Variants in ZFHX3 observed in about 807,000 individuals in gnomAD.
ZFHX3 encodes the protein zinc finger homeobox protein 3.
Under a neutral mutation model 279.1 loss-of-function variants are expected in ZFHX3, and 42 were observed. That is an observed-to-expected ratio of 0.15 (90% CI 0.12 to 0.19). The LOEUF (loss-of-function observed/expected upper bound fraction) is 0.19, where lower values mean the gene tolerates loss of function less well. Among genes scored for constraint, ZFHX3 ranks in the 10% least tolerant of loss-of-function variants. The pLI is 1.00. For synonymous variants in ZFHX3, 2,293 were observed against 1,957.8 expected, an observed-to-expected ratio of 1.17 and a Z score of -4.52; for missense variants, 4,981 against 4,754.0, an observed-to-expected ratio of 1.05 and a Z score of -1.40.
At chr16:73,869,463 CTG>C (rs970999256) in intron 1 of ZFHX3, among the ~76,000 whole-genome samples, 1 of 152,236 alleles carries the variant, frequency 6.6e-6, no homozygotes, top group African/African-American at 2.4e-5. Context: ...AAAAGGCTAA[CTG>C]TTTATGCACC....
chr16:73,595,844 C>A (rs2052043504), intron 2 of ZFHX3, among the ~76,000 whole-genome samples: 1 of 152,114 alleles, frequency 6.6e-6, no homozygotes, highest in Admixed American at 6.5e-5. Flanking sequence ...TGGCACCTTC[C>A]TCTCCCTCAC....
At chr16:73,652,971 A>G (rs1247461926) in intron 2 of ZFHX3, among the ~76,000 whole-genome samples, 1 of 152,142 alleles carries the variant, frequency 6.6e-6, no homozygotes, top group Non-Finnish European at 1.5e-5. Flanking sequence ...ATTCATAATG[A>G]TGTTTATAAA....
chr16:72,815,745 G>C (rs2036585784), intron 5 of ZFHX3, among the ~76,000 whole-genome samples: 1 of 152,190 alleles, frequency 6.6e-6, no homozygotes, highest in Admixed American at 6.5e-5. Context: ...TGTCACATAA[G>C]TGAAATGGAA....
intron 2 of ZFHX3, among the ~76,000 whole-genome samples, chr16:73,676,869 C>A (rs1022977509): frequency 1.6e-4 from 25 of 152,002 alleles, no homozygotes; most frequent in African/African-American, 5.5e-4. Flanking sequence ...TGGGCAAAGA[C>A]AGACTTTATA....
chr16:73,035,774 CA>C (rs1231463499), intron 1 of ZFHX3, among the ~76,000 whole-genome samples: 2 of 152,136 alleles, frequency 1.3e-5, no homozygotes, highest in Non-Finnish European at 2.9e-5. Context: ...AAAACCAGCC[CA>C]CGCTGGTAGT....
chr16:72,936,415 C>G (rs1960128143), intron 3 of ZFHX3, among the ~76,000 whole-genome samples: 2 of 152,274 alleles, frequency 1.3e-5, no homozygotes, highest in South Asian at 2.1e-4. Flanking sequence ...AATGAACAGA[C>G]AAGAAAAATA....
intron 1 of ZFHX3, among the ~76,000 whole-genome samples, chr16:73,011,314 T>C (rs184711136): frequency 6.6e-6 from 1 of 152,078 alleles, no homozygotes; most frequent in African/African-American, 2.4e-5. Context: ...TAATTTTTTG[T>C]AGATATGGGG....
chr16:73,575,366 G>A (rs185680686), intron 2 of ZFHX3, among the ~76,000 whole-genome samples: 3 of 152,262 alleles, frequency 2.0e-5, no homozygotes, highest in South Asian at 2.1e-4. Flanking sequence ...TCCCTGTTCC[G>A]GGCACATGAT....
At chr16:73,097,934 A>T (rs571271141) in intron 7 of ZFHX3, among the ~76,000 whole-genome samples, 2 of 152,340 alleles carry the variant, frequency 1.3e-5, no homozygotes, top group African/African-American at 4.8e-5. Flanking sequence ...ACCAAATAAT[A>T]TTCCACTGTA....
intron 5 of ZFHX3, among the ~76,000 whole-genome samples, chr16:73,148,555 CTTTTTTTTTTTTTTTT>C (rs36018349): frequency 3.4e-4 from 19 of 55,414 alleles, no homozygotes; most frequent in Non-Finnish European, 5.2e-4. Flanking sequence ...AAATGCTGGG[CTTTTTTTTTTTTTTTT>C]TTTTTTTTTT....
At chr16:73,616,640 T>C (rs755802042) in intron 2 of ZFHX3, among the ~76,000 whole-genome samples, 3 of 152,016 alleles carry the variant, frequency 2.0e-5, no homozygotes, top group Non-Finnish European at 2.9e-5. Context: ...ATAAAACGCA[T>C]GTCAACACTA....
At chr16:73,030,593 A>G (rs1964663214) in intron 1 of ZFHX3, among the ~76,000 whole-genome samples, 1 of 152,142 alleles carries the variant, frequency 6.6e-6, no homozygotes, top group East Asian at 1.9e-4. Flanking sequence ...TTATCAATTT[A>G]TCAGAAATCT....
At chr16:73,160,939 T>A (rs916380770) in intron 5 of ZFHX3, among the ~76,000 whole-genome samples, 11 of 152,104 alleles carry the variant, frequency 7.2e-5, no homozygotes, top group African/African-American at 4.8e-5. Flanking sequence ...CACTCTGGTC[T>A]GGCTATAACT....
At position 72,905,816 on chromosome 16, in the gene ZFHX3, T is replaced by C. The variant is rs142847191; in HGVS notation, c.3217-15854A>G. Among the ~76,000 whole-genome samples the C allele has an allele frequency of 3.2e-3, 489 of 152,334 alleles. 1 individual carries two copies. Among genetic ancestry groups the C allele is most frequent in the Non-Finnish European group, 5.5e-3 (371 of 68,036 alleles). ...TGTCTACAGCTCCGATGAGTCAGAATGAGGGGGACATCTTTTCAATACACA... is the reference window on the plus strand; with the variant it reads ...TGTCTACAGCTCCGATGAGTCAGAACGAGGGGGACATCTTTTCAATACACA... On this transcript the variant is annotated intron_variant, in intron 3 of 9. Coordinates refer to ENST00000268489, the MANE Select transcript of ZFHX3 (RefSeq NM_006885.4).
chr16:72,874,909 C>A (rs140728616), intron 4 of ZFHX3, among the ~76,000 whole-genome samples: 175 of 150,966 alleles, frequency 1.2e-3, no homozygotes, highest in African/African-American at 4.1e-3. Flanking sequence ...GCCTGTGATA[C>A]AGCTTCAAAA....
intron 1 of ZFHX3, among the ~76,000 whole-genome samples, chr16:72,994,990 T>C (rs1229199921): frequency 6.6e-6 from 1 of 152,218 alleles, no homozygotes; most frequent in African/African-American, 2.4e-5. Context: ...CAATGTGTTT[T>C]CCTGATCACC....
At chr16:73,049,055 C>G (rs1246808254), upstream of ZFHX3, among the ~76,000 whole-genome samples, 1 of 152,164 alleles carries the variant, frequency 6.6e-6, no homozygotes, top group Admixed American at 6.5e-5. Context: ...AAAGTGATTG[C>G]TGGGCGCCTT....
chr16:73,884,180 G>T (rs1406194331), intron 1 of ZFHX3, among the ~76,000 whole-genome samples: 1 of 152,030 alleles, frequency 6.6e-6, no homozygotes, highest in Admixed American at 6.5e-5. Flanking sequence ...TTCTCATTGT[G>T]TATCAGGCCT....
intron 8 of ZFHX3, among the ~76,000 whole-genome samples, chr16:73,087,597 T>C (rs1245561024): frequency 1.3e-5 from 2 of 152,148 alleles, no homozygotes; most frequent in Non-Finnish European, 2.9e-5. Flanking sequence ...TAATTAAAAA[T>C]GGGGGGTGAT....
Sources: allele counts gnomAD v4.1 joint callset (sites outside exome capture counted in the v4.1 genomes callset), GRCh38; gene constraint gnomAD v4.1.1; transcripts MANE v1.5; gene names NCBI Gene and HGNC (gene_info 2026-07-23, HGNC 2026-07-21).